Variants in SLC5A4 observed in about 807,000 individuals in gnomAD.
SLC5A4 encodes probable glucose sensor protein SLC5A4.
In SLC5A4, 55 loss-of-function variants were observed where a neutral mutation model predicts 70.3. That is an observed-to-expected ratio of 0.78 (90% CI 0.63 to 0.98). SLC5A4 has a LOEUF of 0.98. Among genes scored for constraint, SLC5A4 ranks in the 50% least tolerant of loss-of-function variants. SLC5A4 has a pLI of 0.00. For synonymous variants in SLC5A4, 268 were observed against 305.7 expected (o/e 0.88, Z 1.29); for missense variants, 735 against 839.2 (o/e 0.88, Z 1.53).
the SLC5A4 span, among the ~76,000 whole-genome samples, chr22:32,329,286 T>C: frequency 6.6e-6 from 1 of 152,144 alleles, no homozygotes; most frequent in South Asian, 2.1e-4. Context: ...CCCGCCTCAG[T>C]TTACTCATCT....
At chr22:32,274,950 T>C in the SLC5A4 span, among the ~76,000 whole-genome samples, 4 of 152,340 alleles carry the variant, frequency 2.6e-5, no homozygotes, top group East Asian at 7.7e-4. Flanking sequence ...AAAGCTCAGC[T>C]TCCCTATTCA....
chr22:32,275,690 G>A, the SLC5A4 span, among the ~76,000 whole-genome samples: 3 of 152,204 alleles, frequency 2.0e-5, no homozygotes, highest in African/African-American at 4.8e-5. Flanking sequence ...ATGTGCATGT[G>A]TCTTTATAGC....
the SLC5A4 span, among the ~76,000 whole-genome samples, chr22:32,324,267 G>GTGTA: frequency 3.3e-5 from 4 of 121,368 alleles, no homozygotes; most frequent in African/African-American, 5.7e-5. Flanking sequence ...ACACATATAT[G>GTGTA]TATATATATA....
intron 3 of SLC5A4, 121 bp downstream of exon 3, chr22:32,251,649 A>G (rs982245544): frequency 1.4e-6 from 1 of 707,052 alleles, no homozygotes; most frequent in African/African-American, 1.8e-5. Flanking sequence ...GAGCTGTCAG[A>G]GATACATTTC....
intron 8 of SLC5A4, among the ~76,000 whole-genome samples, chr22:32,234,463 C>G (rs1925943682): frequency 6.6e-6 from 1 of 152,154 alleles, no homozygotes; most frequent in African/African-American, 2.4e-5. Flanking sequence ...CTTTGAGAGG[C>G]CGAGGCGGGC....
the SLC5A4 span, among the ~76,000 whole-genome samples, chr22:32,294,251 C>G: frequency 1.3e-4 from 20 of 152,260 alleles, no homozygotes; most frequent in African/African-American, 4.8e-4. Flanking sequence ...ATCCTTTTAT[C>G]CCCTGCTCTT....
chr22:32,246,371 AG>A (rs1374038535), intron 5 of SLC5A4, among the ~76,000 whole-genome samples: 6 of 152,208 alleles, frequency 3.9e-5, no homozygotes, highest in African/African-American at 1.4e-4. Context: ...ATGAACTCTG[AG>A]ACACCTGCCT....
rs764960957 is a variant in SLC5A4, at chr22:32,218,578, A to G, written c.1916T>C (p.Ile639Thr). ...GAGGAGGATGGCGTTGATGTTCACT[A>G]TTGTCCTCCACGAGGGCCTCTCAGA... ...DTSERPSWRT[I>T]VNINAILLLA... The change falls in exon 15 of 15, where the codon ATA becomes ACA. Residue 639 changes from isoleucine (I) to threonine (T), a missense_variant. Transcript: ENST00000266086. 19 of 1,613,736 alleles carry G rather than the reference A, an allele frequency of 1.2e-5. No homozygotes were observed. Among genetic ancestry groups the G allele is most frequent in the Non-Finnish European group, 1.4e-5 (17 of 1,179,932 alleles).
At chr22:32,241,839 CTGTG>C (rs750938000) in intron 5 of SLC5A4, among the ~76,000 whole-genome samples, 1,778 of 114,148 alleles carry the variant, frequency 0.016, 14 homozygotes, top group Non-Finnish European at 0.024. Context: ...ATATATATAT[CTGTG>C]TGTGTGTGTG....
At chr22:32,324,334 A>G in the SLC5A4 span, among the ~76,000 whole-genome samples, 4 of 151,546 alleles carry the variant, frequency 2.6e-5, no homozygotes, top group Non-Finnish European at 5.9e-5. Context: ...AAATATTTCA[A>G]AATCAATGAC....
chr22:32,302,265 G>A, the SLC5A4 span, among the ~76,000 whole-genome samples: 6 of 138,666 alleles, frequency 4.3e-5, no homozygotes. Context: ...TTTTTTTTGT[G>A]TCTAGCTACT....
chr22:32,336,467 C>A, the SLC5A4 span, among the ~76,000 whole-genome samples: 3 of 152,194 alleles, frequency 2.0e-5, no homozygotes, highest in Non-Finnish European at 4.4e-5. Context: ...TGGAGCCACG[C>A]GGGTCTCTTC....
the SLC5A4 span, among the ~76,000 whole-genome samples, chr22:32,269,032 G>GCTA: frequency 6.6e-6 from 1 of 152,042 alleles, no homozygotes; most frequent in Non-Finnish European, 1.5e-5. This position sits in a 1 kb window ranked among gnomAD's most constrained non-coding sequence, Gnocchi z 4.1. Context: ...AGCTGGGACT[G>GCTA]CAGGAGCATG....
chr22:32,285,337 A>G, the SLC5A4 span, among the ~76,000 whole-genome samples: 1 of 152,186 alleles, frequency 6.6e-6, no homozygotes, highest in East Asian at 1.9e-4. Context: ...ATTGCTTTCA[A>G]CAGAAGGTAT....
In SLC5A4 at chr22:32,247,407, T is replaced by G. The variant is rs780888767; in HGVS notation, c.477+4A>C. On this transcript the variant is annotated splice_donor_region_variant and intron_variant, in intron 5 of 14. Transcript: ENST00000266086. ...GCTAAAATGCCAGGAGGCTCTGAAC[T>G]CACAGAAATTAACAAAACCACACAG... 1 of 1,594,050 alleles carries G rather than the reference T, an allele frequency of 6.3e-7. No individual in the cohort carries two copies. The highest frequency in any genetic ancestry group is 8.6e-7 in the Non-Finnish European group (1 of 1,161,680).
chr22:32,239,535 T>G (rs868036336), intron 5 of SLC5A4, among the ~76,000 whole-genome samples: 2 of 15,072 alleles, frequency 1.3e-4, no homozygotes, highest in Non-Finnish European at 2.7e-4. Flanking sequence ...TATATATATA[T>G]ATATATATAT....
intron 5 of SLC5A4, among the ~76,000 whole-genome samples, chr22:32,243,390 T>C (rs1926643789): frequency 6.6e-6 from 1 of 152,216 alleles, no homozygotes; most frequent in African/African-American, 2.4e-5. Flanking sequence ...CCGCATCCTG[T>C]ACTGGAGAAG....
chr22:32,239,506 TG>T (rs1796483716), intron 5 of SLC5A4, among the ~76,000 whole-genome samples: 2 of 95,804 alleles, frequency 2.1e-5, no homozygotes, highest in African/African-American at 7.5e-5. Flanking sequence ...CACTCCAGCC[TG>T]GGAGTGCATA....
At chr22:32,307,183 C>G in the SLC5A4 span, among the ~76,000 whole-genome samples, 8 of 152,002 alleles carry the variant, frequency 5.3e-5, no homozygotes, top group African/African-American at 1.9e-4. Context: ...GTGAACCCTG[C>G]AGCAGCCCTG....
Sources: gnomAD v4.1 joint callset for allele counts (sites outside exome capture counted in the v4.1 genomes callset) on GRCh38, gnomAD v4.1.1 for gene constraint, Gnocchi (gnomAD v3.1) non-coding constraint, MANE v1.5 for transcripts, NCBI Gene and HGNC (gene_info 2026-07-23, HGNC 2026-07-21) for gene names.